PSTK: variants seen among roughly 807,000 people sequenced by gnomAD.
The protein encoded by PSTK is L-seryl-tRNA(Sec) kinase.
A neutral mutation model predicts 38.6 loss-of-function variants in PSTK; 26 were observed. That is an observed-to-expected ratio of 0.67 (90% confidence interval 0.49 to 0.94). The LOEUF is 0.94. Among genes scored for constraint, PSTK ranks in the 40% least tolerant of loss-of-function variants. The pLI, the probability that PSTK is intolerant of heterozygous loss-of-function variation, is 0.00. For missense variants in PSTK, 445 were observed against 436.3 expected, an observed-to-expected ratio of 1.02 and a Z score of -0.18; for synonymous variants, 181 against 161.7, an observed-to-expected ratio of 1.12 and a Z score of -0.91.
intron 4 of PSTK, 129 bp downstream of exon 4, chr10:122,986,504 C>T (rs1401331079): frequency 1.5e-5 from 11 of 717,220 alleles, no homozygotes; most frequent in Middle Eastern, 4.7e-4. Context: ...CTCACCAGCA[C>T]TCACTGCTGA....
At chr10:122,982,023 G>C (rs147901193) in intron 1 of PSTK, 8 of 152,310 alleles carry the variant, frequency 5.3e-5, no homozygotes, top group African/African-American at 1.9e-4. Flanking sequence ...CTCCAGCTTA[G>C]ATTTCTTAAC....
rs747678736 is a variant in PSTK at position 122,986,966 on chromosome 10, T to G, written c.877+4T>G. 29 of 1,582,990 alleles carry G rather than the reference T, an allele frequency of 1.8e-5. No homozygotes were observed. The highest frequency in any genetic ancestry group is 1.0e-4 in the South Asian group (9 of 90,348). ...CAGACAATGAAGGAAGCAAAAGGTA[T>G]GATGTGTCAGTTATGTGTTGAGTTG... is the stretch of plus-strand genomic sequence containing the variant. On this transcript the variant is annotated splice_donor_region_variant and intron_variant, in intron 5 of 5. Coordinates refer to ENST00000406217, the MANE Select transcript of PSTK (RefSeq NM_001363531.2).
intron 5 of PSTK, chr10:122,987,274 C>G (rs1302126995): frequency 6.4e-7 from 1 of 1,554,254 alleles, no homozygotes; most frequent in Non-Finnish European, 8.7e-7. Context: ...TGCCCATGCT[C>G]TGAAGAAAAT....
chr10:122,986,563 T>TG (rs1849036838), intron 4 of PSTK, 188 bp downstream of exon 4: 1 of 613,566 alleles, frequency 1.6e-6, no homozygotes, highest in African/African-American at 1.9e-5. Flanking sequence ...TCAAAAGTGT[T>TG]GGAGCCTGTT....
At chr10:122,984,328 A>C (rs1207537516) in intron 3 of PSTK, 1 of 152,168 alleles carries the variant, frequency 6.6e-6, no homozygotes, top group Non-Finnish European at 1.5e-5. Flanking sequence ...ACAGGGTCTC[A>C]CTATGTTGCC....
chr10:122,989,932 C>A (rs1346069690), intron 5 of PSTK, among the ~76,000 whole-genome samples: 2 of 152,180 alleles, frequency 1.3e-5, no homozygotes, highest in African/African-American at 4.8e-5. Context: ...AACAAAAAGT[C>A]CCTTTCAGGT....
chr10:122,987,027 C>T (rs1006978209), intron 5 of PSTK, 65 bp downstream of exon 5: 19 of 1,063,760 alleles, frequency 1.8e-5, no homozygotes, highest in Non-Finnish European at 2.3e-5. Context: ...CTGTTATTCC[C>T]GACACTCAGA....
In PSTK at chr10:122,987,345, G is replaced by C. The variant is rs893203563; in HGVS notation, c.877+383G>C. 1.4e-5 allele frequency: 22 copies of C among 1,613,778 alleles called. No individual in the cohort carries two copies. In the African/African-American group the frequency reaches 2.7e-4, roughly 20 times the overall value. ...TTATTTTTAAAAAGGTAATCAGGAA[G>C]CCTTCTCAGAGATGACATTTAAGCA... On this transcript the variant is annotated intron_variant, in intron 5 of 5. Coordinates refer to ENST00000406217, the MANE Select transcript of PSTK (RefSeq NM_001363531.2).
chr10:122,988,364 A>G (rs890916076), intron 5 of PSTK, among the ~76,000 whole-genome samples: 4 of 152,194 alleles, frequency 2.6e-5, no homozygotes, highest in Middle Eastern at 3.4e-3. Context: ...CACCTATTTA[A>G]AAACATACAG....
intron 3 of PSTK, 26 bp from the exon 4 acceptor site, chr10:122,986,274 T>C: frequency 1.3e-6 from 2 of 1,484,928 alleles, no homozygotes; most frequent in Non-Finnish European, 1.8e-6. Context: ...AAGGATCTAT[T>C]GTATTTTATC....
rs151114202 is a variant in PSTK at position 122,980,665 on chromosome 10, G to C, written c.186G>C (p.Ala62=). 369 of 1,592,430 alleles carry C rather than the reference G, an allele frequency of 2.3e-4. No homozygotes were observed. The highest frequency in any genetic ancestry group is 3.0e-4 in the Non-Finnish European group (346 of 1,171,054). Residue 62 remains alanine, a synonymous_variant, in exon 1 of 6, where the codon GCG becomes GCC. Transcript: ENST00000406217. This position sits in a 1 kb window ranked among gnomAD's most constrained non-coding sequence, Gnocchi z 4.3. ...VVAYDDVMPD[A]FLAGARARPA... is the part of the protein sequence containing the mutation. ...CGTATGATGACGTCATGCCCGACGC[G>C]TTTCTCGCCGGGGCAAGAGCGCGAC...
chr10:122,988,894 A>G (rs1466794994), intron 5 of PSTK, among the ~76,000 whole-genome samples: 2 of 152,194 alleles, frequency 1.3e-5, no homozygotes, highest in East Asian at 3.8e-4. Context: ...TTGTACATGT[A>G]TGTTAATGGC....
At chr10:122,984,971 A>G (rs1047217112) in intron 3 of PSTK, 1 of 152,240 alleles carries the variant, frequency 6.6e-6, no homozygotes, top group Non-Finnish European at 1.5e-5. Flanking sequence ...GGACCCAGTG[A>G]GATCGCACTC....
At position 122,987,103 on chromosome 10, in the gene PSTK, A is replaced by T. The variant is rs1346128285; in HGVS notation, c.877+141A>T. The stretch of plus-strand genomic sequence containing the variant: ...CAATTTAATTATGCAATTTGACTAA[A>T]TGTAACTAAAAATTCTACCTCTGGA... On this transcript the variant is annotated intron_variant, in intron 5 of 5. Coordinates refer to ENST00000406217, the MANE Select transcript of PSTK (RefSeq NM_001363531.2). The T allele has an allele frequency of 2.1e-5, 18 of 877,722 alleles. 1 individual carries two copies. In the Middle Eastern group the frequency reaches 1.1e-3, roughly 53 times the overall value. 54.4% of individuals were successfully genotyped at this position (877,722 alleles called of 1,614,324 possible).
At chr10:122,983,163 C>A in intron 2 of PSTK, 109 bp from the exon 3 acceptor site, 2 of 1,231,010 alleles carry the variant, frequency 1.6e-6, no homozygotes, top group Non-Finnish European at 2.2e-6. Flanking sequence ...TTCAGTATTG[C>A]AAACGGAGTT....
intron 5 of PSTK, among the ~76,000 whole-genome samples, chr10:122,988,971 G>C (rs1216924514): frequency 6.6e-6 from 1 of 151,886 alleles, no homozygotes; most frequent in Admixed American, 6.6e-5. Context: ...AACAAAATTT[G>C]GTGTATCCAT....
chr10:122,989,955 C>T (rs770129483), intron 5 of PSTK, among the ~76,000 whole-genome samples: 2 of 152,228 alleles, frequency 1.3e-5, no homozygotes, highest in Non-Finnish European at 2.9e-5. Context: ...GTCTTTTCTG[C>T]TCACACGTTT....
intron 5 of PSTK, 43 bp from the exon 6 acceptor site, chr10:122,990,131 C>A: frequency 7.4e-7 from 1 of 1,356,948 alleles, no homozygotes; most frequent in Non-Finnish European, 1.0e-6. Context: ...CCCCGGATTA[C>A]TTTAATTTAC....
intron 5 of PSTK, among the ~76,000 whole-genome samples, chr10:122,989,182 G>A (rs947025173): frequency 3.7e-5 from 5 of 134,146 alleles, no homozygotes; most frequent in African/African-American, 1.3e-4. Flanking sequence ...TAGAGATGGG[G>A]GGCGGGGGGT....
Sources: gnomAD v4.1 joint callset for allele counts (sites outside exome capture counted in the v4.1 genomes callset) on GRCh38, gnomAD v4.1.1 for gene constraint, Gnocchi (gnomAD v3.1) non-coding constraint, MANE v1.5 for transcripts, NCBI Gene and HGNC (gene_info 2026-07-23, HGNC 2026-07-21) for gene names.